Variants in PDE4B observed in about 807,000 individuals in gnomAD.
PDE4B encodes 3',5'-cyclic-AMP phosphodiesterase 4B.
In PDE4B, 20 loss-of-function variants were observed where a neutral mutation model predicts 82.2. The observed-to-expected ratio is 0.24, with a 90% confidence interval of 0.17 to 0.35. The LOEUF is 0.35. Among genes scored for constraint, PDE4B ranks in the 10% least tolerant of loss-of-function variants. The pLI is 1.00. For synonymous variants in PDE4B, 320 were observed against 318.9 expected (o/e 1.00, Z -0.04); for missense variants, 655 against 907.2 (o/e 0.72, Z 3.57).
At chr1:66,274,425 G>C (rs1000482054) in intron 7 of PDE4B, among the ~76,000 whole-genome samples, 2 of 151,730 alleles carry the variant, frequency 1.3e-5, no homozygotes, top group African/African-American at 4.8e-5. Flanking sequence ...CACCCTCCTC[G>C]GCCTCCCAAA....
intron 1 of PDE4B, among the ~76,000 whole-genome samples, chr1:65,817,612 T>G (rs1645901864): frequency 6.6e-6 from 1 of 152,184 alleles, no homozygotes; most frequent in Non-Finnish European, 1.5e-5. Context: ...AATTCGTTGT[T>G]TGGTTTTTAT....
At chr1:65,966,228 A>G (rs1167469300) in intron 3 of PDE4B, among the ~76,000 whole-genome samples, 1 of 152,200 alleles carries the variant, frequency 6.6e-6, no homozygotes, top group East Asian at 1.9e-4. Flanking sequence ...ATGTGCAAAA[A>G]TCACAAGCAT....
chr1:66,372,039 A>G (rs1441020229), intron 16 of PDE4B, among the ~76,000 whole-genome samples: 1 of 152,198 alleles, frequency 6.6e-6, no homozygotes. Flanking sequence ...GTCACTAGTT[A>G]TGTGACCTCT....
intron 6 of PDE4B, among the ~76,000 whole-genome samples, chr1:66,262,159 C>G (rs558669303): frequency 3.3e-5 from 5 of 152,164 alleles, no homozygotes; most frequent in African/African-American, 7.2e-5. Context: ...TCCAAAATGT[C>G]TTTTATTGCT....
At position 66,230,903 on chromosome 1, in the gene PDE4B, G is replaced by A. The variant is rs543653024; in HGVS notation, c.282-16557G>A. ...TCCACTCAAAATACAAAAATTAGCG[G>A]GGCACAGTGGCATGTGCTACTCAGG... On this transcript the variant is annotated intron_variant, in intron 3 of 16. Coordinates refer to ENST00000341517, the MANE Select transcript of PDE4B (RefSeq NM_002600.4). Among the ~76,000 whole-genome samples, 6 of 151,988 alleles carry A rather than the reference G, an allele frequency of 3.9e-5. No homozygotes were observed. In the East Asian group the frequency reaches 9.7e-4, roughly 25 times the overall value.
chr1:65,952,550 G>A (rs1043077619), intron 3 of PDE4B, among the ~76,000 whole-genome samples: 3 of 152,010 alleles, frequency 2.0e-5, no homozygotes, highest in South Asian at 2.1e-4. Context: ...AGGCATGGTG[G>A]TGTGTGCCTG....
intron 3 of PDE4B, among the ~76,000 whole-genome samples, chr1:66,018,410 A>G (rs767481402): frequency 5.3e-5 from 8 of 152,014 alleles, no homozygotes; most frequent in Non-Finnish European, 7.4e-5. Context: ...ACAGGGTGAG[A>G]CTCTGTCTCA....
chr1:65,831,502 A>G (rs1288638857), intron 1 of PDE4B, among the ~76,000 whole-genome samples: 3 of 152,182 alleles, frequency 2.0e-5, no homozygotes, highest in Non-Finnish European at 4.4e-5. Flanking sequence ...TGCTAGTTCT[A>G]TGGCTATTAA....
chr1:65,937,634 C>T (rs1197139130), intron 3 of PDE4B, among the ~76,000 whole-genome samples: 1 of 152,134 alleles, frequency 6.6e-6, no homozygotes, highest in Non-Finnish European at 1.5e-5. Context: ...ATTTGTGATT[C>T]GTGCTTCAAG....
chr1:66,362,915 TA>T (rs2102034908), intron 10 of PDE4B, among the ~76,000 whole-genome samples: 1 of 152,238 alleles, frequency 6.6e-6, no homozygotes, highest in African/African-American at 2.4e-5. Flanking sequence ...ATGTCCAATA[TA>T]GGTCAGCAAC....
chr1:65,824,210 C>T (rs1301782713), intron 1 of PDE4B, among the ~76,000 whole-genome samples: 2 of 152,108 alleles, frequency 1.3e-5, no homozygotes, highest in African/African-American at 2.4e-5. Context: ...ACTGAGTCTT[C>T]TCAGGCTGGT....
chr1:65,932,510 G>A (rs1052656999), intron 3 of PDE4B, among the ~76,000 whole-genome samples: 2 of 151,922 alleles, frequency 1.3e-5, no homozygotes, highest in African/African-American at 4.8e-5. Context: ...GTGAAGATTG[G>A]GAGAGGTCAC....
At chr1:65,855,142 G>GATATTATATT (rs200109700) in intron 1 of PDE4B, among the ~76,000 whole-genome samples, 231 of 150,278 alleles carry the variant, frequency 1.5e-3, no homozygotes, top group African/African-American at 3.3e-3. Context: ...TATTTAAGCA[G>GATATTATATT]ATATTATATT....
At chr1:65,884,247 T>C (rs1051067363) in intron 1 of PDE4B, among the ~76,000 whole-genome samples, 5 of 152,172 alleles carry the variant, frequency 3.3e-5, no homozygotes, top group African/African-American at 1.2e-4. Flanking sequence ...AGCTCCTCCT[T>C]GTACCTCTGG....
intron 3 of PDE4B, among the ~76,000 whole-genome samples, chr1:66,155,082 T>A (rs1327411949): frequency 6.6e-6 from 1 of 152,116 alleles, no homozygotes; most frequent in Non-Finnish European, 1.5e-5. Context: ...TGAGCTCTGA[T>A]CCTGCCACTG....
intron 3 of PDE4B, among the ~76,000 whole-genome samples, chr1:66,030,676 G>T (rs532565614): frequency 6.6e-6 from 1 of 152,062 alleles, no homozygotes; most frequent in African/African-American, 2.4e-5. Flanking sequence ...TCATCGCAGT[G>T]CTATTCACAA....
chr1:66,155,826 A>G (rs891039133), intron 3 of PDE4B, among the ~76,000 whole-genome samples: 39 of 152,156 alleles, frequency 2.6e-4, no homozygotes, highest in African/African-American at 8.0e-4. Context: ...GAATCAAACC[A>G]TGATATTCCC....
At chr1:66,300,743 C>CT (rs1210483411) in intron 7 of PDE4B, among the ~76,000 whole-genome samples, 1 of 152,150 alleles carries the variant, frequency 6.6e-6, no homozygotes, top group Non-Finnish European at 1.5e-5. Flanking sequence ...CCCAGAGGGT[C>CT]TGAGGTCCAT....
At chr1:66,165,844 T>C (rs1201494748) in intron 3 of PDE4B, among the ~76,000 whole-genome samples, 1 of 152,066 alleles carries the variant, frequency 6.6e-6, no homozygotes, top group Non-Finnish European at 1.5e-5. Flanking sequence ...AAAATAATCC[T>C]TATCAAAATT....
Sources: gnomAD v4.1 joint callset for allele counts (sites outside exome capture counted in the v4.1 genomes callset) on GRCh38, gnomAD v4.1.1 for gene constraint, MANE v1.5 for transcripts, NCBI Gene and HGNC (gene_info 2026-07-23, HGNC 2026-07-21) for gene names.